The following LOXHD1 variants were observed in gnomAD, a reference collection of about 807,000 sequenced individuals.
LOXHD1 encodes the protein lipoxygenase homology PLAT domains 1, also known as lipoxygenase homology domain-containing protein 1.
LOXHD1 carries 205 observed loss-of-function variants against 248.2 expected under a neutral mutation model. The observed-to-expected ratio is 0.83, with a 90% CI of 0.74 to 0.93. The LOEUF (loss-of-function observed/expected upper bound fraction) is 0.93. LOXHD1 is among the 40% of genes least tolerant of loss of function. The pLI, the probability that LOXHD1 is intolerant of heterozygous loss-of-function variation, is 0.00. For missense variants in LOXHD1, 2,930 were observed against 2,971.6 expected, an observed-to-expected ratio of 0.99 and a Z score of 0.33; for synonymous variants, 1,113 against 1,162.8, an observed-to-expected ratio of 0.96 and a Z score of 0.87.
chr18:46,553,718 C>T (rs2037202608), intron 21 of LOXHD1, among the ~76,000 whole-genome samples: 2 of 152,122 alleles, frequency 1.3e-5, no homozygotes, highest in Non-Finnish European at 2.9e-5. Context: ...CCTAAATACA[C>T]AAGCTTTTTG....
intron 9 of LOXHD1, 89 bp downstream of exon 9, chr18:46,594,242 C>A: frequency 6.7e-7 from 1 of 1,487,796 alleles, no homozygotes. Flanking sequence ...GAGTGGACTG[C>A]CCTCATAGCT....
chr18:46,597,927 G>C (rs2038282211), intron 8 of LOXHD1, among the ~76,000 whole-genome samples: 1 of 74,486 alleles, frequency 1.3e-5, no homozygotes, highest in Non-Finnish European at 2.6e-5. Flanking sequence ...CTAATTTTTT[G>C]CATTTTTTTT....
chr18:46,540,654 CTTTTT>C (rs60099172), intron 25 of LOXHD1, among the ~76,000 whole-genome samples: 34 of 91,422 alleles, frequency 3.7e-4, no homozygotes, highest in African/African-American at 1.2e-3. Context: ...AACTCTTTAT[CTTTTT>C]TTTTTTTTTT....
intron 19 of LOXHD1, 115 bp downstream of exon 19, chr18:46,559,968 C>T (rs928365919): frequency 4.5e-6 from 5 of 1,106,948 alleles, no homozygotes; most frequent in South Asian, 3.1e-5. Context: ...TGATGGGTGC[C>T]CACCTATTTG....
chr18:46,487,523 C>T (rs1283763063), intron 38 of LOXHD1, among the ~76,000 whole-genome samples: 1 of 152,134 alleles, frequency 6.6e-6, no homozygotes, highest in Admixed American at 6.5e-5. Context: ...CGTTTCAGGC[C>T]CACGGTTTAC....
chr18:46,482,616 G>A (rs2032672310), intron 40 of LOXHD1, among the ~76,000 whole-genome samples: 1 of 152,208 alleles, frequency 6.6e-6, no homozygotes, highest in South Asian at 2.1e-4. Flanking sequence ...GCTTGGTCTG[G>A]GGGAGCCAAA....
intron 29 of LOXHD1, among the ~76,000 whole-genome samples, chr18:46,527,425 A>G (rs1173696595): frequency 1.3e-5 from 2 of 152,248 alleles, no homozygotes; most frequent in African/African-American, 4.8e-5. Context: ...CCTGCCAGAC[A>G]TGGTTCTAGA....
chr18:46,569,620 C>T lies in LOXHD1; in HGVS notation c.2066G>A (p.Ser689Asn), dbSNP rs983603868. Residue 689 changes from serine to asparagine, a missense_variant, in exon 16 of 41, where the codon AGC (serine) becomes AAC (asparagine). Coordinates refer to ENST00000642948, the MANE Select transcript of LOXHD1 (RefSeq NM_001384474.1). Reference protein sequence around the residue: ...ATLKNFRYHISLKTGDVSGAS... With the variant: ...ATLKNFRYHINLKTGDVSGAS... ...CCCAGAGACATCCCCAGTCTTCAAG[C>T]TGATGTGATAGCGAAAGTCTGAACA... 2 of 1,550,938 alleles carry T rather than the reference C, an allele frequency of 1.3e-6. No individual in the cohort carries two copies. Among genetic ancestry groups the T allele is most frequent in the Non-Finnish European group, 1.7e-6 (2 of 1,146,488 alleles).
Position 46,604,094 on chromosome 18 carries a change from CT to C in LOXHD1, c.883+11del, listed in dbSNP as rs2038378031. The C allele has an allele frequency of 4.5e-6, 7 of 1,551,710 alleles. No homozygotes were observed. The highest frequency in any genetic ancestry group is 6.1e-6 in the Non-Finnish European group (7 of 1,146,962). ...AAATACCCAAAAGAGCCTCCCCTTT[CT>C]TCAAATCTACCTGTGGTCTCAGCTC... On this transcript the variant is annotated intron_variant, in intron 7 of 40. Coordinates refer to ENST00000642948, the MANE Select transcript of LOXHD1 (RefSeq NM_001384474.1).
chr18:46,611,540 T>C (rs1463820655), intron 5 of LOXHD1, among the ~76,000 whole-genome samples: 11 of 152,216 alleles, frequency 7.2e-5, no homozygotes, highest in Admixed American at 7.2e-4. Context: ...TAACCTGTTC[T>C]TTCTGCTCTG....
intron 22 of LOXHD1, among the ~76,000 whole-genome samples, chr18:46,545,699 G>C (rs1014591543): frequency 7.2e-6 from 1 of 138,546 alleles, no homozygotes; most frequent in Non-Finnish European, 1.5e-5. Context: ...GCGGGATCTC[G>C]GCTCACTGCA....
chr18:46,626,002 C>G (rs1313679795), intron 4 of LOXHD1, among the ~76,000 whole-genome samples: 6 of 152,168 alleles, frequency 3.9e-5, no homozygotes, highest in African/African-American at 1.4e-4. Flanking sequence ...TGTCACCCAG[C>G]CTTCCTGGAG....
At chr18:46,627,575 C>A (rs911416160) in intron 4 of LOXHD1, among the ~76,000 whole-genome samples, 1 of 152,126 alleles carries the variant, frequency 6.6e-6, no homozygotes. Flanking sequence ...AAGTTTGAAG[C>A]AAATACACAA....
rs1372720863 is a variant in LOXHD1, at chr18:46,656,840, G to A, written c.130+64C>T. On this transcript the variant is annotated intron_variant, in intron 1 of 40. Transcript: ENST00000642948. ...TCTTAGAATGACTCCCCATAGACAG[G>A]AACAGACCCCTGCCCACCGCAGCCA... 4 of 1,524,170 alleles carry A rather than the reference G, an allele frequency of 2.6e-6. No individual in the cohort carries two copies. The African/African-American group carries it at 4.1e-5, about 16-fold the overall frequency. 94.4% of individuals were successfully genotyped at this position (1,524,170 alleles called of 1,614,324 possible).
At chr18:46,604,266 T>A in intron 6 of LOXHD1, 37 bp from the exon 7 acceptor site, 1 of 1,550,524 alleles carries the variant, frequency 6.4e-7, no homozygotes, top group Non-Finnish European at 8.7e-7. Flanking sequence ...TGTAGATAAG[T>A]GTTGTTGAGG....
At chr18:46,577,317 G>A (rs925001116) in intron 14 of LOXHD1, among the ~76,000 whole-genome samples, 3 of 152,118 alleles carry the variant, frequency 2.0e-5, no homozygotes, top group Non-Finnish European at 4.4e-5. Flanking sequence ...CAGGGAAGAG[G>A]TATGGTCAGA....
At chr18:46,581,019 A>G (rs1568199342) in intron 12 of LOXHD1, among the ~76,000 whole-genome samples, 1 of 152,112 alleles carries the variant, frequency 6.6e-6, no homozygotes, top group African/African-American at 2.4e-5. Flanking sequence ...TTTATTTTTA[A>G]TTTTTATTTT....
chr18:46,599,826 G>A (rs1401948150), intron 8 of LOXHD1, among the ~76,000 whole-genome samples: 1 of 151,976 alleles, frequency 6.6e-6, no homozygotes, highest in Admixed American at 6.6e-5. Context: ...ATTCAACCTT[G>A]GTAGTAATCA....
chr18:46,591,719 C>T (rs1055552142), intron 12 of LOXHD1, among the ~76,000 whole-genome samples: 4 of 152,218 alleles, frequency 2.6e-5, no homozygotes, highest in Admixed American at 2.6e-4. Context: ...CCCTCCCTCC[C>T]CACCACACCA....
Sources: allele counts gnomAD v4.1 joint callset (sites outside exome capture counted in the v4.1 genomes callset), GRCh38; gene constraint gnomAD v4.1.1; transcripts MANE v1.5; gene names NCBI Gene and HGNC (gene_info 2026-07-23, HGNC 2026-07-21).